The following ILRUN variants were observed in gnomAD, a reference collection of about 807,000 sequenced individuals.
ILRUN encodes protein ILRUN.
ILRUN carries 3 observed loss-of-function variants against 33.8 expected under a neutral mutation model. That is an observed-to-expected ratio of 0.09 (90% confidence interval 0.04 to 0.23). ILRUN has a LOEUF of 0.23. Among genes scored for constraint, ILRUN ranks in the 10% least tolerant of loss-of-function variants. ILRUN has a pLI of 1.00. For synonymous variants in ILRUN, 124 were observed against 138.9 expected, an observed-to-expected ratio of 0.89 and a Z score of 0.75; for missense variants, 210 against 375.1, an observed-to-expected ratio of 0.56 and a Z score of 3.64.
intron 1 of ILRUN, among the ~76,000 whole-genome samples, chr6:34,670,447 A>C (rs1763094072): frequency 6.6e-6 from 1 of 152,222 alleles, no homozygotes; most frequent in South Asian, 2.1e-4. Context: ...CTTAAAAGAT[A>C]AAGCAAATGT....
chr6:34,669,007 C>G (rs1763061402), intron 1 of ILRUN, among the ~76,000 whole-genome samples: 1 of 152,002 alleles, frequency 6.6e-6, no homozygotes, highest in African/African-American at 2.4e-5. Flanking sequence ...CCACACCTGG[C>G]TAATTTTTTG....
In ILRUN at chr6:34,589,468, C is replaced by G. The variant is rs1761255318; in HGVS notation, c.*1097G>C. 6.6e-6 allele frequency: 1 copy of G among 152,244 alleles called. No homozygotes were observed. The highest frequency in any genetic ancestry group is 1.5e-5 in the Non-Finnish European group (1 of 68,048). 9.4% of individuals were successfully genotyped at this position (152,244 alleles called of 1,614,324 possible). On this transcript the variant is annotated 3_prime_UTR_variant, in exon 5 of 5. Coordinates refer to ENST00000374023, the MANE Select transcript of ILRUN (RefSeq NM_024294.4). ...GTATTTTCATACCTCTACAGATCAG[C>G]CGCCACTAACAGGCTGTGAAAATAT...
intron 3 of ILRUN, among the ~76,000 whole-genome samples, chr6:34,611,894 G>A (rs1761761651): frequency 6.6e-6 from 1 of 152,072 alleles, no homozygotes. Context: ...AAATACCCAG[G>A]GAACTAAAGC....
rs552912453 is a variant in ILRUN, at chr6:34,643,229, G to GA, written c.511+3371_511+3372insT. On this transcript the variant is annotated intron_variant, in intron 3 of 4. Coordinates refer to ENST00000374023, the MANE Select transcript of ILRUN (RefSeq NM_024294.4). ...CAGGACAATCACTTGAACCCAGGAGGTGGAGGTTGCAGTGAGCCAAGATCA... is the reference window on the plus strand; with the variant it reads ...CAGGACAATCACTTGAACCCAGGAGGATGGAGGTTGCAGTGAGCCAAGATCA... Among the ~76,000 whole-genome samples the GA allele has an allele frequency of 1.1e-4, 16 of 151,792 alleles. No individual in the cohort carries two copies. In the South Asian group the frequency reaches 3.3e-3, roughly 32 times the overall value.
intron 1 of ILRUN, among the ~76,000 whole-genome samples, chr6:34,661,743 T>C (rs1312310226): frequency 6.6e-6 from 1 of 152,238 alleles, no homozygotes; most frequent in Non-Finnish European, 1.5e-5. Context: ...AGTAAGTTTG[T>C]TACTTTCAAC....
intron 1 of ILRUN, among the ~76,000 whole-genome samples, chr6:34,693,539 C>T (rs965825084): frequency 2.0e-5 from 3 of 152,036 alleles, no homozygotes; most frequent in African/African-American, 7.2e-5. Flanking sequence ...ATTTTCTTAA[C>T]GGCTCACTCC....
intron 1 of ILRUN, among the ~76,000 whole-genome samples, chr6:34,675,658 A>G (rs1346645741): frequency 3.3e-5 from 5 of 152,212 alleles, no homozygotes; most frequent in African/African-American, 1.2e-4. Flanking sequence ...AAAAAGTGCC[A>G]CATAGTAAAA....
rs150667961 is a variant in ILRUN, at chr6:34,676,125, T to C, written c.158+20321A>G. Among the ~76,000 whole-genome samples, 51 of 152,172 alleles carry C rather than the reference T, an allele frequency of 3.4e-4. No individual in the cohort carries two copies. The East Asian group carries it at 7.6e-3, about 23-fold the overall frequency. On this transcript the variant is annotated intron_variant, in intron 1 of 4. Transcript: ENST00000374023. Reference sequence around the variant, plus strand: ...AAATCAAGTTTGAGAACAGTATATATAGAGCTGGGCACAGGTAGCTCATCC... The same window carrying C: ...AAATCAAGTTTGAGAACAGTATATACAGAGCTGGGCACAGGTAGCTCATCC...
At chr6:34,642,002 C>T (rs905259402) in intron 3 of ILRUN, among the ~76,000 whole-genome samples, 4 of 152,092 alleles carry the variant, frequency 2.6e-5, no homozygotes, top group African/African-American at 7.2e-5. Flanking sequence ...GCACTAAGGA[C>T]AAGACATCAG....
chr6:34,677,002 A>T (rs1289683487), intron 1 of ILRUN, among the ~76,000 whole-genome samples: 34 of 139,818 alleles, frequency 2.4e-4, no homozygotes, highest in African/African-American at 1.0e-3. Flanking sequence ...CACAATTAAA[A>T]AAAAAAAAAA....
intron 1 of ILRUN, among the ~76,000 whole-genome samples, chr6:34,675,851 C>A (rs1763217885): frequency 6.6e-6 from 1 of 151,976 alleles, no homozygotes; most frequent in Non-Finnish European, 1.5e-5. Flanking sequence ...GGAAAGATAT[C>A]CAACCTCATT....
intron 3 of ILRUN, among the ~76,000 whole-genome samples, chr6:34,614,508 T>C (rs547284442): frequency 2.0e-5 from 3 of 146,386 alleles, no homozygotes; most frequent in African/African-American, 7.5e-5. Context: ...ATATTTTATA[T>C]ATATATATAT....
intron 1 of ILRUN, among the ~76,000 whole-genome samples, chr6:34,664,348 T>G (rs1463579123): frequency 1.3e-5 from 2 of 151,932 alleles, no homozygotes; most frequent in Non-Finnish European, 2.9e-5. Flanking sequence ...GTTTTGCGGG[T>G]TTTTTGGTGA....
chr6:34,608,818 C>T (rs1761686113), intron 3 of ILRUN, among the ~76,000 whole-genome samples: 1 of 152,186 alleles, frequency 6.6e-6, no homozygotes, highest in Non-Finnish European at 1.5e-5. Flanking sequence ...TCTTGATTTG[C>T]TCAAGTGCCA....
intron 2 of ILRUN, among the ~76,000 whole-genome samples, chr6:34,648,710 T>C (rs1468269229): frequency 6.6e-6 from 1 of 152,078 alleles, no homozygotes; most frequent in Non-Finnish European, 1.5e-5. Context: ...AAGACCAAAA[T>C]CGAAAAGAAA....
In ILRUN at chr6:34,643,981, C is replaced by T. The variant is rs563818092; in HGVS notation, c.511+2620G>A. ...CCTCCCAGAGTGCTGGTATTACAGGCTTGAACCACTGCACCCGGCCTTTAC... is the reference window on the plus strand; with the variant it reads ...CCTCCCAGAGTGCTGGTATTACAGGTTTGAACCACTGCACCCGGCCTTTAC... On this transcript the variant is annotated intron_variant, in intron 3 of 4. Coordinates refer to ENST00000374023, the MANE Select transcript of ILRUN (RefSeq NM_024294.4). Among the ~76,000 whole-genome samples the T allele has an allele frequency of 1.4e-4, 21 of 152,322 alleles. 1 individual carries two copies. Among genetic ancestry groups the T allele is most frequent in the Non-Finnish European group, 2.2e-4 (15 of 68,022 alleles).
intron 3 of ILRUN, among the ~76,000 whole-genome samples, chr6:34,631,208 GA>G (rs1762237481): frequency 6.6e-6 from 1 of 152,192 alleles, no homozygotes; most frequent in Non-Finnish European, 1.5e-5. Context: ...CTGGCTAAAA[GA>G]AACTGTAGTA....
intron 1 of ILRUN, among the ~76,000 whole-genome samples, chr6:34,683,021 T>TG (rs922618841): frequency 1.1e-4 from 17 of 151,612 alleles, no homozygotes; most frequent in Non-Finnish European, 1.6e-4. Context: ...CCCAGCTATT[T>TG]GGGAGGTTGA....
At chr6:34,633,880 AGAGGGAGGGAGGGAGG>A (rs750015797) in intron 3 of ILRUN, among the ~76,000 whole-genome samples, 1,784 of 64,892 alleles carry the variant, frequency 0.027, 46 homozygotes, top group East Asian at 0.07. Context: ...ATGGAGGGAG[AGAGGGAGGGAGGGAGG>A]GAGGGAGGGA....
Sources: gnomAD v4.1 joint callset for allele counts (sites outside exome capture counted in the v4.1 genomes callset) on GRCh38, gnomAD v4.1.1 for gene constraint, MANE v1.5 for transcripts, NCBI Gene and HGNC (gene_info 2026-07-23, HGNC 2026-07-21) for gene names.